Variants in WDR64 observed in about 807,000 individuals in gnomAD.
WDR64 encodes the protein WD repeat-containing protein 64.
In WDR64, 112 loss-of-function variants were observed where a neutral mutation model predicts 139.3. The observed-to-expected ratio is 0.80, with a 90% CI of 0.69 to 0.94. The LOEUF (loss-of-function observed/expected upper bound fraction) is 0.94. Ranked by LOEUF, WDR64 falls within the 40% of genes least tolerant of loss-of-function variation. The probability of loss-of-function intolerance (pLI) is 0.00; values close to 1 mark genes in which losing one functional copy is unlikely to be tolerated. For missense variants in WDR64, 1,206 were observed against 1,293.1 expected (o/e 0.93, Z 1.03); for synonymous variants, 444 against 437.7 (o/e 1.01, Z -0.18).
intron 8 of WDR64, among the ~76,000 whole-genome samples, chr1:241,696,684 C>A (rs190051798): frequency 4.6e-5 from 7 of 152,062 alleles, no homozygotes; most frequent in African/African-American, 1.2e-4. Context: ...TGTCTCTTAG[C>A]CTGCTACTGC....
At position 241,690,505 on chromosome 1, in the gene WDR64, A is replaced by G. The variant is rs575602996; in HGVS notation, c.974+2910A>G. ...AAAAACTTGAAATGAGCCAGAGGGG[A>G]AAAAAACAACTTATCTGTAGAAAAG... is the stretch of plus-strand genomic sequence containing the variant. On this transcript the variant is annotated intron_variant, in intron 8 of 27. Coordinates refer to ENST00000437684, the MANE Select transcript of WDR64 (RefSeq NM_001367482.1). Among the ~76,000 whole-genome samples, 347 of 151,862 alleles carry G rather than the reference A, an allele frequency of 2.3e-3. 2 individuals carry two copies. Among genetic ancestry groups the G allele is most frequent in the Non-Finnish European group, 2.1e-3 (143 of 67,840 alleles).
Position 241,761,728 on chromosome 1 carries a change from A to C in WDR64, c.1947+4269A>C, listed in dbSNP as rs547660196. On this transcript the variant is annotated intron_variant, in intron 15 of 27. Coordinates refer to ENST00000437684, the MANE Select transcript of WDR64 (RefSeq NM_001367482.1). ...AACCCTGCCTCTGCCCAATCATCTA[A>C]GTTTAGGTAATATCCTAAGTCCTTT... 4.6e-5 allele frequency among the ~76,000 whole-genome samples: 7 copies of C among 152,266 alleles called. No individual in the cohort carries two copies. In the South Asian group the frequency reaches 1.5e-3, roughly 32 times the overall value.
At chr1:241,710,461 A>G (rs924184682) in intron 8 of WDR64, among the ~76,000 whole-genome samples, 2 of 139,446 alleles carry the variant, frequency 1.4e-5, no homozygotes, top group African/African-American at 5.2e-5. Context: ...ATACATATGA[A>G]TATATGGTAG....
chr1:241,761,752 T>C (rs1225846389), intron 15 of WDR64, among the ~76,000 whole-genome samples: 1 of 152,202 alleles, frequency 6.6e-6, no homozygotes, highest in Non-Finnish European at 1.5e-5. Context: ...CCTAAGTCCT[T>C]TGTTGTCATT....
At chr1:241,795,055 C>T (rs1412327235) in intron 25 of WDR64, 152 bp from the exon 26 acceptor site, 6 of 618,692 alleles carry the variant, frequency 9.7e-6, no homozygotes, top group African/African-American at 9.3e-5. Context: ...CCTTGCTATA[C>T]ATATTATTTA....
intron 1 of WDR64, 24 bp from the exon 2 acceptor site, chr1:241,660,506 T>C (rs1665783955): frequency 6.5e-7 from 1 of 1,546,320 alleles, no homozygotes; most frequent in East Asian, 2.4e-5. Context: ...TTGATGAAAA[T>C]GGACTGTACT....
chr1:241,679,716 A>T (rs1666701320), intron 6 of WDR64, 121 bp downstream of exon 6: 1 of 785,962 alleles, frequency 1.3e-6, no homozygotes, highest in African/African-American at 1.7e-5. Flanking sequence ...AGAGGATTTA[A>T]GTAAGTAATC....
chr1:241,747,833 C>G (rs749504485), intron 13 of WDR64, among the ~76,000 whole-genome samples: 2 of 152,222 alleles, frequency 1.3e-5, no homozygotes, highest in Non-Finnish European at 2.9e-5. Flanking sequence ...GACACAATTA[C>G]TGTCTTACCT....
chr1:241,762,786 A>T (rs1158836765), intron 15 of WDR64, among the ~76,000 whole-genome samples: 2 of 151,796 alleles, frequency 1.3e-5, no homozygotes, highest in Non-Finnish European at 2.9e-5. Context: ...AAAAAAAAAA[A>T]ATAGAATAAT....
At chr1:241,727,194 T>C (rs1668880096) in intron 10 of WDR64, among the ~76,000 whole-genome samples, 1 of 152,100 alleles carries the variant, frequency 6.6e-6, no homozygotes, top group Admixed American at 6.6e-5. Flanking sequence ...GCTTAGGAAA[T>C]TTTAATTTTT....
intron 14 of WDR64, among the ~76,000 whole-genome samples, chr1:241,754,763 C>T (rs1226456800): frequency 6.6e-6 from 1 of 151,794 alleles, no homozygotes; most frequent in Non-Finnish European, 1.5e-5. Context: ...ATGTTCCCCT[C>T]CCTGTGTCTG....
chr1:241,742,082 C>G (rs189726021), intron 12 of WDR64, among the ~76,000 whole-genome samples: 40 of 152,232 alleles, frequency 2.6e-4, no homozygotes, highest in Admixed American at 1.7e-3. Context: ...TCTCTGTGAT[C>G]TGCTTTAATC....
chr1:241,683,682 G>C lies in WDR64; in HGVS notation c.820G>C (p.Asp274His), dbSNP rs1334761555. ...AAGAAAATTACAAAATCAGGTCTTA[G>C]ACTCAAAGAACTTTAAAAGGTAAGA... ...SKRKLQNQVL[D>H]SKNFKSVKRK... The change falls in exon 7 of 28, where the codon GAC becomes CAC. Residue 274 changes from aspartate (D) to histidine (H), a missense_variant. By Grantham distance (81) the Asp-to-His change is moderately conservative. Coordinates refer to ENST00000437684, the MANE Select transcript of WDR64 (RefSeq NM_001367482.1). The C allele has an allele frequency of 2.5e-5, 38 of 1,549,690 alleles. No homozygotes were observed. The highest frequency in any genetic ancestry group is 3.1e-5 in the Non-Finnish European group (35 of 1,145,958).
At chr1:241,697,774 C>T (rs370796676) in intron 8 of WDR64, among the ~76,000 whole-genome samples, 2 of 152,274 alleles carry the variant, frequency 1.3e-5, no homozygotes, top group African/African-American at 2.4e-5. Flanking sequence ...CCATAATTCT[C>T]TCTAATGTAG....
intron 2 of WDR64, among the ~76,000 whole-genome samples, chr1:241,664,194 G>A (rs546799862): frequency 6.6e-6 from 1 of 152,230 alleles, no homozygotes; most frequent in East Asian, 1.9e-4. Context: ...CCCATAGATC[G>A]GTAACTTGAA....
chr1:241,660,416 G>T, intron 1 of WDR64, 114 bp from the exon 2 acceptor site: 1 of 1,324,930 alleles, frequency 7.5e-7, no homozygotes, highest in South Asian at 1.5e-5. Flanking sequence ...AATATATCTG[G>T]TTTTTATAGA....
At chr1:241,754,519 C>G (rs774476823) in intron 14 of WDR64, among the ~76,000 whole-genome samples, 2 of 151,944 alleles carry the variant, frequency 1.3e-5, no homozygotes, top group African/African-American at 2.4e-5. Context: ...AGGGTTTCAC[C>G]ATGTTGGCCA....
chr1:241,792,783 T>A lies in WDR64; in HGVS notation c.2997+2087T>A, dbSNP rs538148175. ...GTGTTTTGTGGCACAATCAGAACACTAATCTGCTGATGGTAGTGGTGTAAA... is the reference window on the plus strand; with the variant it reads ...GTGTTTTGTGGCACAATCAGAACACAAATCTGCTGATGGTAGTGGTGTAAA... On this transcript the variant is annotated intron_variant, in intron 25 of 27. Transcript: ENST00000437684. 1.2e-4 allele frequency among the ~76,000 whole-genome samples: 19 copies of A among 152,276 alleles called. No homozygotes were observed. In the East Asian group the frequency reaches 1.9e-3, roughly 15 times the overall value.
intron 3 of WDR64, among the ~76,000 whole-genome samples, chr1:241,673,564 G>A (rs891861777): frequency 2.0e-5 from 3 of 152,100 alleles, no homozygotes; most frequent in South Asian, 2.1e-4. Flanking sequence ...TACTACATGC[G>A]TATCTGTGCT....
Sources: gnomAD v4.1 joint callset for allele counts (sites outside exome capture counted in the v4.1 genomes callset) on GRCh38, gnomAD v4.1.1 for gene constraint, MANE v1.5 for transcripts, NCBI Gene and HGNC (gene_info 2026-07-23, HGNC 2026-07-21) for gene names.